Variants in TRMT44 observed in about 807,000 individuals in gnomAD.
TRMT44 encodes the protein tRNA methyltransferase 44 homolog, also known as probable tRNA (uracil-O(2)-)-methyltransferase.
In TRMT44, 78 loss-of-function variants were observed where a neutral mutation model predicts 77.3. The observed-to-expected ratio is 1.01, with a 90% CI of 0.84 to 1.22. TRMT44 has a LOEUF of 1.22. Among genes scored for constraint, TRMT44 ranks in the 50% most tolerant of loss-of-function variants. The pLI is 0.00. For missense variants in TRMT44, 1,090 were observed against 964.4 expected (o/e 1.13, Z -1.73); for synonymous variants, 391 against 383.3 (o/e 1.02, Z -0.23).
chr4:8,470,927 G>A (rs751827314), intron 9 of TRMT44, 157 bp from the exon 10 acceptor site: 65 of 585,606 alleles, frequency 1.1e-4, no homozygotes, highest in Middle Eastern at 9.7e-4. Context: ...GGTTTGGTGC[G>A]GTGTGGTGTG....
At chr4:8,509,129 G>A in the TRMT44 span, 1 of 150,972 alleles carries the variant, frequency 6.6e-6, no homozygotes, top group Non-Finnish European at 1.5e-5. Flanking sequence ...AAAACATCAG[G>A]ACATTCATTG....
downstream of TRMT44, among the ~76,000 whole-genome samples, chr4:8,496,842 T>C (rs1728165106): frequency 6.6e-6 from 1 of 151,998 alleles, no homozygotes; most frequent in African/African-American, 2.4e-5. Context: ...AAATTAATTT[T>C]TAAAAATTGA....
chr4:8,453,040 A>C, intron 5 of TRMT44, 51 bp downstream of exon 5: 1 of 1,186,598 alleles, frequency 8.4e-7, no homozygotes, highest in East Asian at 2.8e-5. Flanking sequence ...GAGTTTCCTC[A>C]AGTCAGGCAC....
chr4:8,486,514 A>T (rs1727809368), intron 2 of TRMT44, among the ~76,000 whole-genome samples: 2 of 151,528 alleles, frequency 1.3e-5, no homozygotes, highest in Non-Finnish European at 2.9e-5. Flanking sequence ...TTAATTTTGG[A>T]TTTTTATTTA....
chr4:8,449,139 C>T (rs186799320), intron 2 of TRMT44, among the ~76,000 whole-genome samples: 4 of 152,302 alleles, frequency 2.6e-5, no homozygotes, highest in Admixed American at 2.6e-4. Flanking sequence ...GACCTGGGGG[C>T]GGAGCAGTGA....
intron 6 of TRMT44, among the ~76,000 whole-genome samples, chr4:8,463,533 T>G (rs1165857243): frequency 6.6e-6 from 1 of 152,226 alleles, no homozygotes; most frequent in Admixed American, 6.5e-5. Flanking sequence ...TTTCCTAGAT[T>G]GAAAGGCCTG....
the TRMT44 span, among the ~76,000 whole-genome samples, chr4:8,502,574 C>G: frequency 6.6e-6 from 1 of 152,226 alleles, no homozygotes; most frequent in Non-Finnish European, 1.5e-5. Context: ...CATCCACACT[C>G]ACCAGGATGT....
At chr4:8,485,318 C>CGG (rs1281019161) in intron 2 of TRMT44, among the ~76,000 whole-genome samples, 1 of 152,020 alleles carries the variant, frequency 6.6e-6, no homozygotes, top group African/African-American at 2.4e-5. Flanking sequence ...AAAGAATGTA[C>CGG]GGGTTGGGCA....
At chr4:8,506,635 G>T in the TRMT44 span, among the ~76,000 whole-genome samples, 3 of 152,226 alleles carry the variant, frequency 2.0e-5, no homozygotes, top group African/African-American at 4.8e-5. Flanking sequence ...CTCTGCCCCA[G>T]GGGGAGCGGG....
Position 8,440,875 on chromosome 4 carries a change from A to T in TRMT44, c.53A>T (p.Gln18Leu). Residue 18 changes from glutamine to leucine, a missense_variant, in exon 1 of 11, where the codon CAG becomes CTG. Coordinates refer to ENST00000389737, the MANE Select transcript of TRMT44 (RefSeq NM_152544.3). ...AGCTACCCAGGCGCGCTTCTCCCAC[A>T]GGGCTTCTGGGCTGCGGTCGAAGTG... is the stretch of plus-strand genomic sequence containing the variant. ...GISYPGALLP[Q>L]GFWAAVEVWL... 1 of 1,524,422 alleles carries T rather than the reference A, an allele frequency of 6.6e-7. No individual in the cohort carries two copies. 94.4% of individuals were successfully genotyped at this position (1,524,422 alleles called of 1,614,324 possible).
At chr4:8,495,555 T>A (rs547640571), downstream of TRMT44, among the ~76,000 whole-genome samples, 23 of 152,354 alleles carry the variant, frequency 1.5e-4, no homozygotes, top group Middle Eastern at 6.8e-3. Flanking sequence ...ATACAAAATA[T>A]TAACTAGGTG....
the TRMT44 span, among the ~76,000 whole-genome samples, chr4:8,505,304 G>C: frequency 6.6e-6 from 1 of 152,336 alleles, no homozygotes; most frequent in Non-Finnish European, 1.5e-5. Flanking sequence ...ATCTCTGCCT[G>C]TGGGAAGTCA....
intron 2 of TRMT44, among the ~76,000 whole-genome samples, chr4:8,488,805 T>C (rs1400673255): frequency 2.0e-5 from 3 of 152,190 alleles, no homozygotes; most frequent in African/African-American, 7.2e-5. Flanking sequence ...GCTGAAGCTA[T>C]AGCCCAGGCA....
Position 8,441,198 on chromosome 4 carries a change from C to T in TRMT44, c.376C>T (p.His126Tyr). ...CTCAGTGCCCCTGAGGGACTCCGGG[C>T]ACCCCGGCCATGCTGAAGGAAGGGA... ...AASVPLRDSG[H>Y]PGHAEGREGD... Residue 126 changes from histidine (H) to tyrosine (Y), a missense_variant, in exon 1 of 11, where the codon CAC (histidine) becomes TAC (tyrosine). Coordinates refer to ENST00000389737, the MANE Select transcript of TRMT44 (RefSeq NM_152544.3). 1.3e-6 allele frequency: 2 copies of T among 1,534,762 alleles called. No homozygotes were observed. Among genetic ancestry groups the T allele is most frequent in the East Asian group, 2.4e-5 (1 of 40,876 alleles).
At chr4:8,494,724 CAAAATA>C, downstream of TRMT44, among the ~76,000 whole-genome samples, 1 of 152,052 alleles carries the variant, frequency 6.6e-6, no homozygotes, top group Admixed American at 6.6e-5. Context: ...TTAACCTGGG[CAAAATA>C]AACTTTCTAA....
the TRMT44 span, among the ~76,000 whole-genome samples, chr4:8,501,730 G>A: frequency 6.6e-6 from 1 of 152,090 alleles, no homozygotes; most frequent in Admixed American, 6.5e-5. This position sits in a 1 kb window ranked among gnomAD's most constrained non-coding sequence, Gnocchi z 4.4. Flanking sequence ...CTTATGGGGA[G>A]CTAGCTGGGA....
downstream of TRMT44, chr4:8,478,301 T>G (rs932985317): frequency 9.2e-5 from 14 of 152,664 alleles, no homozygotes; most frequent in Admixed American, 9.2e-4. Context: ...CAGATGGGGT[T>G]GGGGGCATGT....
chr4:8,474,265 T>G (rs1727217368), intron 10 of TRMT44, among the ~76,000 whole-genome samples: 1 of 152,204 alleles, frequency 6.6e-6, no homozygotes, highest in Non-Finnish European at 1.5e-5. Flanking sequence ...TTTAGAGGGT[T>G]CCAGGTCCCT....
chr4:8,464,174 G>C, intron 7 of TRMT44, 83 bp downstream of exon 7: 1 of 1,057,604 alleles, frequency 9.5e-7, no homozygotes, highest in Non-Finnish European at 1.4e-6. Context: ...GTAGCCACTA[G>C]CTGCGTGCAG....
Sources: gnomAD v4.1 joint callset for allele counts (sites outside exome capture counted in the v4.1 genomes callset) on GRCh38, gnomAD v4.1.1 for gene constraint, Gnocchi (gnomAD v3.1) non-coding constraint, MANE v1.5 for transcripts, NCBI Gene and HGNC (gene_info 2026-07-23, HGNC 2026-07-21) for gene names.